RHBDD1: variants seen among roughly 807,000 people sequenced by gnomAD.
The protein encoded by RHBDD1 is rhomboid-related protein 4.
RHBDD1 carries 38 observed loss-of-function variants against 36.3 expected under a neutral mutation model. The observed-to-expected ratio is 1.05, with a 90% CI of 0.81 to 1.37. RHBDD1 has a LOEUF of 1.37. Among genes scored for constraint, RHBDD1 ranks in the 40% most tolerant of loss-of-function variants. The pLI is 0.00. For synonymous variants in RHBDD1, 151 were observed against 136.5 expected, an observed-to-expected ratio of 1.11 and a Z score of -0.74; for missense variants, 393 against 377.6, an observed-to-expected ratio of 1.04 and a Z score of -0.34.
At chr2:226,975,301 A>T (rs1250344314) in intron 8 of RHBDD1, among the ~76,000 whole-genome samples, 2 of 152,158 alleles carry the variant, frequency 1.3e-5, no homozygotes, top group African/African-American at 4.8e-5. Context: ...ACACACACAC[A>T]TCTATAAATA....
intron 5 of RHBDD1, among the ~76,000 whole-genome samples, chr2:226,869,391 C>T (rs962881277): frequency 1.5e-4 from 23 of 152,218 alleles, no homozygotes; most frequent in African/African-American, 5.3e-4. Flanking sequence ...GCAGTGAATG[C>T]TTCTTTGAGA....
the RHBDD1 span, among the ~76,000 whole-genome samples, chr2:226,818,172 T>G: frequency 7.0e-6 from 1 of 142,028 alleles, no homozygotes; most frequent in South Asian, 2.3e-4. Flanking sequence ...TTTTTTTTTT[T>G]TTTTTGAGAT....
At chr2:226,895,312 T>A (rs1409332887) in intron 5 of RHBDD1, among the ~76,000 whole-genome samples, 1 of 152,204 alleles carries the variant, frequency 6.6e-6, no homozygotes. Flanking sequence ...TGAGCTCTCC[T>A]GCTGCCTAGC....
chr2:226,822,420 A>AG, the RHBDD1 span, among the ~76,000 whole-genome samples: 1 of 152,134 alleles, frequency 6.6e-6, no homozygotes, highest in African/African-American at 2.4e-5. Context: ...GGATCACCTA[A>AG]GGTCAGGAGT....
chr2:226,929,133 G>A (rs937820924), intron 8 of RHBDD1, among the ~76,000 whole-genome samples: 11 of 151,910 alleles, frequency 7.2e-5, no homozygotes, highest in Admixed American at 1.3e-4. Flanking sequence ...AGAGGGAATC[G>A]TCCCTAATTC....
chr2:226,829,976 G>T, the RHBDD1 span, among the ~76,000 whole-genome samples: 1 of 146,256 alleles, frequency 6.8e-6, no homozygotes. Flanking sequence ...TTGACTGTAG[G>T]TTTTTTTTTT....
rs181177042 is a variant in RHBDD1, at chr2:226,867,032, C to T, written c.434-154C>T. Among the ~76,000 whole-genome samples the T allele has an allele frequency of 2.4e-3, 371 of 152,190 alleles. 1 individual carries two copies. Among genetic ancestry groups the T allele is most frequent in the Non-Finnish European group, 3.7e-3 (251 of 67,998 alleles). On this transcript the variant is annotated intron_variant, in intron 4 of 8. Transcript: ENST00000392062. ...GACTGCCTTTAACGTTGTCTTTTTA[C>T]CAAATGCAAGGTTGTAAGGAATAGG... is the stretch of plus-strand genomic sequence containing the variant.
chr2:226,983,136 T>C (rs1186619879), intron 8 of RHBDD1, among the ~76,000 whole-genome samples: 1 of 152,118 alleles, frequency 6.6e-6, no homozygotes. Context: ...TCAGAGTTTC[T>C]CAAAGTGGGG....
intron 5 of RHBDD1, among the ~76,000 whole-genome samples, chr2:226,877,803 T>A (rs1352252063): frequency 6.6e-6 from 1 of 152,176 alleles, no homozygotes; most frequent in East Asian, 1.9e-4. Flanking sequence ...ATTAGGAATT[T>A]TACCGCTTTG....
intron 3 of RHBDD1, among the ~76,000 whole-genome samples, chr2:226,852,583 T>C (rs1942916085): frequency 6.6e-6 from 1 of 152,120 alleles, no homozygotes. Flanking sequence ...ACCATTCTTG[T>C]ACCCTGATGT....
intron 8 of RHBDD1, among the ~76,000 whole-genome samples, chr2:226,927,282 A>AT (rs369984145): frequency 1.3e-4 from 19 of 150,924 alleles, no homozygotes; most frequent in Non-Finnish European, 2.4e-4. Flanking sequence ...TATATTGATA[A>AT]TTTTTTTTCT....
At chr2:226,929,462 A>T (rs1219315964) in intron 8 of RHBDD1, among the ~76,000 whole-genome samples, 1 of 152,132 alleles carries the variant, frequency 6.6e-6, no homozygotes, top group African/African-American at 2.4e-5. Context: ...CATTTATGAT[A>T]AAAAATGTCA....
At chr2:226,961,221 G>A (rs1424348427) in intron 8 of RHBDD1, among the ~76,000 whole-genome samples, 2 of 152,134 alleles carry the variant, frequency 1.3e-5, no homozygotes. Flanking sequence ...GGGGTCATGA[G>A]GGATTATGGG....
the RHBDD1 span, among the ~76,000 whole-genome samples, chr2:226,813,433 G>C: frequency 6.6e-6 from 1 of 152,192 alleles, no homozygotes. Context: ...CATTATAAGA[G>C]AGGAGACTGG....
intron 8 of RHBDD1, among the ~76,000 whole-genome samples, chr2:226,959,872 G>T (rs1477304156): frequency 6.6e-6 from 1 of 152,046 alleles, no homozygotes; most frequent in African/African-American, 2.4e-5. Context: ...GCCCAGGCTG[G>T]AGTGCAGTGG....
At chr2:226,922,360 G>A (rs1333324305) in intron 8 of RHBDD1, among the ~76,000 whole-genome samples, 3 of 151,580 alleles carry the variant, frequency 2.0e-5, no homozygotes, top group East Asian at 3.9e-4. Context: ...GGTGCCTGCT[G>A]CCACGCCCGG....
At chr2:226,836,341 C>T (rs191736244) in intron 1 of RHBDD1, 1 of 152,502 alleles carries the variant, frequency 6.6e-6, no homozygotes, top group African/African-American at 2.4e-5. Flanking sequence ...TGCCGCATCT[C>T]CGCCGGACCG....
chr2:226,918,167 A>G (rs1949047683), intron 8 of RHBDD1, among the ~76,000 whole-genome samples: 1 of 151,978 alleles, frequency 6.6e-6, no homozygotes, highest in African/African-American at 2.4e-5. Context: ...TCATCTCACT[A>G]CATTTATTTT....
chr2:226,841,951 AG>A (rs1386827374), intron 3 of RHBDD1, among the ~76,000 whole-genome samples: 9 of 152,290 alleles, frequency 5.9e-5, no homozygotes, highest in African/African-American at 2.2e-4. Flanking sequence ...CAACCTCGCC[AG>A]CATGTGTTGT....
Sources: allele counts gnomAD v4.1 joint callset (sites outside exome capture counted in the v4.1 genomes callset), GRCh38; gene constraint gnomAD v4.1.1; transcripts MANE v1.5; gene names NCBI Gene and HGNC (gene_info 2026-07-23, HGNC 2026-07-21).